Variants in KCNT2 observed in about 807,000 individuals in gnomAD.
KCNT2 encodes the protein potassium sodium-activated channel subfamily T member 2.
Under a neutral mutation model 153.8 loss-of-function variants are expected in KCNT2, and 67 were observed. That is an observed-to-expected ratio of 0.44 (90% CI 0.36 to 0.53). KCNT2 has a LOEUF of 0.53. Among genes scored for constraint, KCNT2 ranks in the 20% least tolerant of loss-of-function variants. The pLI, the probability that KCNT2 is intolerant of heterozygous loss-of-function variation, is 0.00. For missense variants in KCNT2, 975 were observed against 1,354.8 expected (o/e 0.72, Z 4.40); for synonymous variants, 500 against 458.8 (o/e 1.09, Z -1.15).
At chr1:196,600,304 A>G (rs72732292) in intron 1 of KCNT2, among the ~76,000 whole-genome samples, 2,054 of 152,386 alleles carry the variant, frequency 0.013, 26 homozygotes, top group Non-Finnish European at 0.023. Context: ...GGGTCCGCCA[A>G]TACCGAATTT....
intron 14 of KCNT2, among the ~76,000 whole-genome samples, chr1:196,367,497 G>A (rs988473542): frequency 3.3e-5 from 5 of 152,204 alleles, no homozygotes; most frequent in African/African-American, 1.2e-4. Context: ...GTATGCATAT[G>A]TTTGTATGTA....
intron 1 of KCNT2, among the ~76,000 whole-genome samples, chr1:196,533,235 A>T (rs942032427): frequency 6.6e-6 from 1 of 152,106 alleles, no homozygotes; most frequent in Non-Finnish European, 1.5e-5. Flanking sequence ...AGAGAAAGCT[A>T]TTGATGTAGT....
intron 1 of KCNT2, among the ~76,000 whole-genome samples, chr1:196,564,114 G>A (rs951389298): frequency 4.0e-5 from 6 of 151,676 alleles, no homozygotes; most frequent in African/African-American, 2.4e-5. Context: ...AAATACAAAA[G>A]ACCCCACCAA....
intron 14 of KCNT2, among the ~76,000 whole-genome samples, chr1:196,369,333 T>C (rs1412166769): frequency 6.6e-6 from 1 of 152,140 alleles, no homozygotes; most frequent in Non-Finnish European, 1.5e-5. Context: ...TTTTGTTTTT[T>C]TATTATTATA....
intron 1 of KCNT2, among the ~76,000 whole-genome samples, chr1:196,507,386 A>C (rs894484167): frequency 2.0e-5 from 3 of 152,184 alleles, no homozygotes; most frequent in Non-Finnish European, 4.4e-5. Flanking sequence ...TATTTTACAA[A>C]TGTGAAGGAA....
intron 8 of KCNT2, among the ~76,000 whole-genome samples, chr1:196,441,248 G>T (rs1188021771): frequency 6.6e-6 from 1 of 151,344 alleles, no homozygotes; most frequent in Non-Finnish European, 1.5e-5. Context: ...AAAGTATTAG[G>T]CCCCATTTTG....
At chr1:196,441,729 A>G (rs1338545050) in intron 8 of KCNT2, among the ~76,000 whole-genome samples, 1 of 151,848 alleles carries the variant, frequency 6.6e-6, no homozygotes, top group African/African-American at 2.4e-5. Flanking sequence ...TATTACTATT[A>G]TGTATACAAA....
intron 24 of KCNT2, among the ~76,000 whole-genome samples, chr1:196,281,322 C>A (rs939323667): frequency 1.6e-4 from 25 of 152,066 alleles, no homozygotes; most frequent in African/African-American, 6.0e-4. Flanking sequence ...TATATTAGTT[C>A]GTTATCAGTA....
intron 1 of KCNT2, among the ~76,000 whole-genome samples, chr1:196,493,200 T>C (rs1558004890): frequency 6.6e-6 from 1 of 152,150 alleles, no homozygotes; most frequent in East Asian, 1.9e-4. Flanking sequence ...CATTATGAGT[T>C]AGAATTTCAA....
intron 1 of KCNT2, among the ~76,000 whole-genome samples, chr1:196,555,571 T>TA (rs1333851168): frequency 6.6e-6 from 1 of 151,422 alleles, no homozygotes; most frequent in Non-Finnish European, 1.5e-5. Flanking sequence ...AAAATGTCCA[T>TA]ACGACCCAAA....
chr1:196,501,210 C>G (rs1041326683), intron 1 of KCNT2, among the ~76,000 whole-genome samples: 1 of 152,020 alleles, frequency 6.6e-6, no homozygotes, highest in African/African-American at 2.4e-5. Flanking sequence ...GGTATGTACC[C>G]AAAGGGAAAG....
At chr1:196,256,359 C>G (rs1042597825) in intron 26 of KCNT2, among the ~76,000 whole-genome samples, 2 of 151,846 alleles carry the variant, frequency 1.3e-5, no homozygotes, top group Admixed American at 1.3e-4. Context: ...AAAATGACAT[C>G]CTTGTAAGCT....
chr1:196,328,253 T>C (rs977317162), intron 18 of KCNT2, among the ~76,000 whole-genome samples: 2 of 152,110 alleles, frequency 1.3e-5, no homozygotes, highest in South Asian at 4.1e-4. Context: ...AAAGATTATT[T>C]AAATTACACT....
chr1:196,381,192 G>A (rs922124441), intron 13 of KCNT2, among the ~76,000 whole-genome samples: 2 of 151,928 alleles, frequency 1.3e-5, no homozygotes, highest in Admixed American at 6.6e-5. Flanking sequence ...CTTTTTTGAT[G>A]TTTCAGGCTA....
chr1:196,231,440 A>C (rs2102217992), intron 27 of KCNT2, among the ~76,000 whole-genome samples: 1 of 152,004 alleles, frequency 6.6e-6, no homozygotes, highest in Admixed American at 6.6e-5. Flanking sequence ...TAGAATTAAA[A>C]CAAAATCACA....
At chr1:196,300,934 C>T (rs570746945) in intron 22 of KCNT2, among the ~76,000 whole-genome samples, 8 of 152,180 alleles carry the variant, frequency 5.3e-5, no homozygotes, top group African/African-American at 1.9e-4. Flanking sequence ...GACTCCCCAC[C>T]GTCCTACAAC....
intron 15 of KCNT2, 142 bp from the exon 16 acceptor site, chr1:196,340,712 A>T (rs984605341): frequency 1.7e-6 from 1 of 596,010 alleles, no homozygotes; most frequent in African/African-American, 1.9e-5. Context: ...AGGAAAATAA[A>T]CTATGTGCTT....
intron 1 of KCNT2, among the ~76,000 whole-genome samples, chr1:196,540,423 A>G (rs957364514): frequency 1.3e-5 from 2 of 152,206 alleles, no homozygotes; most frequent in African/African-American, 4.8e-5. Context: ...GTTCCAATCC[A>G]ATTCTCCTCA....
chr1:196,425,752 C>T, intron 11 of KCNT2, 100 bp downstream of exon 11: 1 of 1,194,478 alleles, frequency 8.4e-7, no homozygotes. Flanking sequence ...CATACTTTAA[C>T]ACATCTTGCA....
Sources: gnomAD v4.1 joint callset for allele counts (sites outside exome capture counted in the v4.1 genomes callset) on GRCh38, gnomAD v4.1.1 for gene constraint, MANE v1.5 for transcripts, NCBI Gene and HGNC (gene_info 2026-07-23, HGNC 2026-07-21) for gene names.